MARCHF7: variants seen among roughly 807,000 people sequenced by gnomAD.
MARCHF7 encodes the protein membrane associated ring-CH-type finger 7.
Under a neutral mutation model 76.5 loss-of-function variants are expected in MARCHF7, and 20 were observed. The observed-to-expected ratio is 0.26, with a 90% confidence interval of 0.18 to 0.38. The LOEUF is 0.38. MARCHF7 is among the 10% of genes least tolerant of loss of function. MARCHF7 has a pLI of 1.00. For missense variants in MARCHF7, 797 were observed against 812.9 expected (o/e 0.98, Z 0.24); for synonymous variants, 295 against 293.0 (o/e 1.01, Z -0.07).
intron 5 of MARCHF7, among the ~76,000 whole-genome samples, chr2:159,744,812 G>A (rs923069529): frequency 3.3e-5 from 5 of 152,162 alleles, no homozygotes; most frequent in Admixed American, 6.5e-5. Flanking sequence ...TCTTAATAAA[G>A]AGGAATTATT....
chr2:159,744,915 A>G (rs551679955), intron 5 of MARCHF7, among the ~76,000 whole-genome samples: 24 of 152,354 alleles, frequency 1.6e-4, no homozygotes, highest in African/African-American at 5.5e-4. Context: ...TTACTTTTAA[A>G]TCATATCTAA....
chr2:159,747,664 A>G, intron 6 of MARCHF7, 141 bp from the exon 7 acceptor site: 1 of 719,438 alleles, frequency 1.4e-6, no homozygotes. Context: ...TGTTTTTTCT[A>G]TAATAATAGT....
At chr2:159,729,584 G>A (rs921199754) in intron 4 of MARCHF7, among the ~76,000 whole-genome samples, 5 of 151,686 alleles carry the variant, frequency 3.3e-5, no homozygotes, top group Non-Finnish European at 5.9e-5. Flanking sequence ...GAAGAGGGAG[G>A]ATTGCTTGAA....
intron 2 of MARCHF7, 30 bp downstream of exon 2, chr2:159,714,628 C>T (rs1392777183): frequency 3.9e-5 from 6 of 152,264 alleles, no homozygotes; most frequent in African/African-American, 1.2e-4. Context: ...AAAAGACTTT[C>T]TGTACTGTAC....
In MARCHF7 at chr2:159,767,970, G is replaced by A. The variant is rs1013157060; in HGVS notation, c.*628G>A. ...TATAAATATAAAATGTATAAATGAT[G>A]GATAGATTTTTGTATTGATTTGCAA... On this transcript the variant is annotated 3_prime_UTR_variant, in exon 12 of 12. Coordinates refer to ENST00000409175, the MANE Select transcript of MARCHF7 (RefSeq NM_001282805.2). 2.0e-5 allele frequency: 3 copies of A among 152,348 alleles called. No homozygotes were observed. Among genetic ancestry groups the A allele is most frequent in the African/African-American group, 7.2e-5 (3 of 41,388 alleles). The allele number at this position is 152,348 out of a possible 1,614,324, so 9.4% of individuals were successfully genotyped here.
At chr2:159,752,999 G>T (rs1705839350) in intron 8 of MARCHF7, among the ~76,000 whole-genome samples, 1 of 152,208 alleles carries the variant, frequency 6.6e-6, no homozygotes, top group Non-Finnish European at 1.5e-5. Flanking sequence ...CTGTAATGGA[G>T]CCCAGGCACA....
intron 7 of MARCHF7, among the ~76,000 whole-genome samples, chr2:159,749,747 G>A (rs939047030): frequency 3.5e-4 from 23 of 65,600 alleles, no homozygotes; most frequent in African/African-American, 1.3e-3. Context: ...CGGGGGGGGC[G>A]GTTGTGAATT....
At chr2:159,731,873 G>T (rs901418916) in intron 4 of MARCHF7, among the ~76,000 whole-genome samples, 3 of 152,078 alleles carry the variant, frequency 2.0e-5, no homozygotes, top group Non-Finnish European at 1.5e-5. Flanking sequence ...GGGAGGCTTA[G>T]GCAGGCGGAT....
intron 6 of MARCHF7, 54 bp downstream of exon 6, chr2:159,745,991 T>C: frequency 6.9e-7 from 1 of 1,441,324 alleles, no homozygotes. Context: ...TTTTCCTCTT[T>C]ATGCATGTTA....
At position 159,764,650 on chromosome 2, in the gene MARCHF7, C is replaced by A; in HGVS notation, c.2032C>A (p.Gln678Lys). Residue 678 changes from glutamine to lysine, a missense_variant, in exon 11 of 12, where the codon CAG (glutamine) becomes AAG (lysine). Transcript: ENST00000409175. Reference protein sequence around the residue: ...VRFINLARTLQAHMEDLETSE... With the variant: ...VRFINLARTLKAHMEDLETSE... ...GTTTATTAACCTTGCAAGAACTCTT[C>A]AGGCACATATGGAAGATCTCGAAAG... The A allele has an allele frequency of 6.2e-7, 1 of 1,605,084 alleles. No homozygotes were observed. Among genetic ancestry groups the A allele is most frequent in the Non-Finnish European group, 8.5e-7 (1 of 1,176,064 alleles).
At chr2:159,722,409 CAGCTGTAA>C (rs1467820282) in intron 3 of MARCHF7, among the ~76,000 whole-genome samples, 2 of 152,232 alleles carry the variant, frequency 1.3e-5, no homozygotes, top group Non-Finnish European at 2.9e-5. Flanking sequence ...GCAGAGATTA[CAGCTGTAA>C]GCCACCATGC....
chr2:159,764,725 A>G, intron 11 of MARCHF7, 51 bp downstream of exon 11: 1 of 1,474,958 alleles, frequency 6.8e-7, no homozygotes, highest in Non-Finnish European at 9.3e-7. Flanking sequence ...TTTGCAAATT[A>G]AACCCAAAGC....
chr2:159,738,606 G>C (rs1476489817), intron 4 of MARCHF7, among the ~76,000 whole-genome samples: 1 of 152,152 alleles, frequency 6.6e-6, no homozygotes, highest in Non-Finnish European at 1.5e-5. Flanking sequence ...GTGGAGAGGA[G>C]ACCAGACAGG....
chr2:159,730,798 T>C (rs1004241950), intron 4 of MARCHF7, among the ~76,000 whole-genome samples: 1 of 152,228 alleles, frequency 6.6e-6, no homozygotes, highest in African/African-American at 2.4e-5. Flanking sequence ...GGAACACAAA[T>C]TTTGAAACCA....
intron 4 of MARCHF7, among the ~76,000 whole-genome samples, chr2:159,731,816 A>G (rs1221377158): frequency 6.9e-6 from 1 of 144,386 alleles, no homozygotes; most frequent in Non-Finnish European, 1.5e-5. Flanking sequence ...AAAACCATTT[A>G]AATTTCAGCC....
intron 4 of MARCHF7, among the ~76,000 whole-genome samples, chr2:159,736,820 G>C (rs370009802): frequency 2.0e-5 from 3 of 152,252 alleles, no homozygotes; most frequent in African/African-American, 7.2e-5. Flanking sequence ...ATTGTGCATA[G>C]AGTATCTATA....
chr2:159,724,193 T>C (rs1701926963), intron 3 of MARCHF7, among the ~76,000 whole-genome samples: 1 of 152,232 alleles, frequency 6.6e-6, no homozygotes, highest in Non-Finnish European at 1.5e-5. Flanking sequence ...CTCAGTATTA[T>C]AAGCATTATT....
rs1560015571 is a variant in MARCHF7, at chr2:159,748,044, C to T, written c.754C>T (p.Pro252Ser). Residue 252 changes from proline (P) to serine (S), a missense_variant, in exon 7 of 12, where the codon CCA becomes TCA. Coordinates refer to ENST00000409175, the MANE Select transcript of MARCHF7 (RefSeq NM_001282805.2). ...TTACAGTTCAAGTAGAGATGAAGCC[C>T]CAATCATAAGCAATTCAGAAAGGGT... ...FSYSSSRDEA[P>S]IISNSERVVS... is the part of the protein sequence containing the mutation. 2 of 1,614,116 alleles carry T rather than the reference C, an allele frequency of 1.2e-6. No homozygotes were observed. The highest frequency in any genetic ancestry group is 1.7e-6 in the Non-Finnish European group (2 of 1,180,010).
chr2:159,719,667 A>T (rs1211117546), intron 3 of MARCHF7, among the ~76,000 whole-genome samples: 1 of 151,996 alleles, frequency 6.6e-6, no homozygotes, highest in African/African-American at 2.4e-5. Flanking sequence ...GTCTATTGTT[A>T]AACCCATCAG....
Sources: gnomAD v4.1 joint callset for allele counts (sites outside exome capture counted in the v4.1 genomes callset) on GRCh38, gnomAD v4.1.1 for gene constraint, MANE v1.5 for transcripts, NCBI Gene and HGNC (gene_info 2026-07-23, HGNC 2026-07-21) for gene names.